The following CAP2 variants were observed in gnomAD, a reference collection of about 807,000 sequenced individuals.
CAP2 encodes the protein adenylyl cyclase-associated protein 2.
A neutral mutation model predicts 57.7 loss-of-function variants in CAP2; 24 were observed. The ratio of observed to expected loss-of-function variants is 0.42; its 90% CI spans 0.30 to 0.58. The LOEUF (loss-of-function observed/expected upper bound fraction) is 0.58, where lower values mean the gene tolerates loss of function less well. CAP2 is among the 20% of genes least tolerant of loss of function. The probability of loss-of-function intolerance (pLI) is 0.22; values close to 1 mark genes in which losing one functional copy is unlikely to be tolerated. For synonymous variants in CAP2, 194 were observed against 207.2 expected, an observed-to-expected ratio of 0.94 and a Z score of 0.55; for missense variants, 501 against 590.3, an observed-to-expected ratio of 0.85 and a Z score of 1.57.
chr6:17,487,592 C>T (rs1761449718), intron 4 of CAP2, among the ~76,000 whole-genome samples: 1 of 152,146 alleles, frequency 6.6e-6, no homozygotes, highest in South Asian at 2.1e-4. Flanking sequence ...GCCTCAGCTT[C>T]CTGAGTAGCT....
chr6:17,483,879 A>G (rs1260696752), intron 4 of CAP2, among the ~76,000 whole-genome samples: 27 of 151,890 alleles, frequency 1.8e-4, no homozygotes, highest in Admixed American at 1.8e-3. Flanking sequence ...GCACACGAGC[A>G]CCCTGAAAAA....
At chr6:17,463,692 C>A (rs1760788890) in intron 4 of CAP2, among the ~76,000 whole-genome samples, 1 of 152,166 alleles carries the variant, frequency 6.6e-6, no homozygotes, top group Non-Finnish European at 1.5e-5. Flanking sequence ...TTTTAATAAG[C>A]TCCTGCGTGA....
At chr6:17,499,763 A>T (rs1454435801) in intron 4 of CAP2, among the ~76,000 whole-genome samples, 5 of 151,832 alleles carry the variant, frequency 3.3e-5, no homozygotes, top group Non-Finnish European at 5.9e-5. Flanking sequence ...AGGCTGGAGG[A>T]TCTCTTGAGC....
intron 3 of CAP2, among the ~76,000 whole-genome samples, chr6:17,430,632 G>A (rs764840840): frequency 2.0e-5 from 3 of 150,768 alleles, no homozygotes; most frequent in Non-Finnish European, 2.9e-5. Context: ...TCCACCTCCC[G>A]GGTTCAAGCG....
intron 1 of CAP2, among the ~76,000 whole-genome samples, chr6:17,403,265 C>T (rs2113503757): frequency 6.6e-6 from 1 of 152,298 alleles, no homozygotes; most frequent in Admixed American, 6.5e-5. Flanking sequence ...CCATGCCCGG[C>T]TAATTTTTTG....
intron 7 of CAP2, among the ~76,000 whole-genome samples, chr6:17,529,666 A>ATG (rs1762595673): frequency 1.4e-5 from 2 of 146,732 alleles, no homozygotes; most frequent in Non-Finnish European, 3.0e-5. Flanking sequence ...ATATATATAT[A>ATG]TATATGTATA....
chr6:17,421,762 TA>T, intron 2 of CAP2, 86 bp downstream of exon 2: 1 of 1,479,848 alleles, frequency 6.8e-7, no homozygotes, highest in South Asian at 1.1e-5. Flanking sequence ...GGAACATTTC[TA>T]TTATCCTTCA....
chr6:17,410,423 G>A (rs746024340), intron 1 of CAP2, among the ~76,000 whole-genome samples: 1 of 152,182 alleles, frequency 6.6e-6, no homozygotes, highest in Non-Finnish European at 1.5e-5. Context: ...AAAGAGTGGT[G>A]AGAATCAATG....
chr6:17,520,824 C>G (rs966314951), intron 7 of CAP2, among the ~76,000 whole-genome samples: 1 of 152,158 alleles, frequency 6.6e-6, no homozygotes, highest in Non-Finnish European at 1.5e-5. Flanking sequence ...CAAGAGAAAA[C>G]TGTTCTTAAG....
intron 2 of CAP2, among the ~76,000 whole-genome samples, chr6:17,423,688 C>T (rs570899250): frequency 2.6e-5 from 4 of 151,940 alleles, no homozygotes; most frequent in Non-Finnish European, 4.4e-5. Flanking sequence ...GAACTTGGTA[C>T]ATTGTAAAAA....
At chr6:17,487,765 C>T (rs1761454132) in intron 4 of CAP2, among the ~76,000 whole-genome samples, 1 of 152,028 alleles carries the variant, frequency 6.6e-6, no homozygotes, top group African/African-American at 2.4e-5. Context: ...GCCACCGCAC[C>T]TGGCCCAGTT....
chr6:17,539,244 A>G, intron 7 of CAP2, 25 bp from the exon 8 acceptor site: 4 of 1,589,386 alleles, frequency 2.5e-6, no homozygotes, highest in Non-Finnish European at 3.4e-6. Context: ...AATGCAATGC[A>G]ATGCCCTGTC....
chr6:17,520,041 G>T (rs1347607599), intron 7 of CAP2, among the ~76,000 whole-genome samples: 1 of 152,148 alleles, frequency 6.6e-6, no homozygotes, highest in African/African-American at 2.4e-5. Context: ...ACTGCACATG[G>T]ATGAATGTAT....
intron 4 of CAP2, among the ~76,000 whole-genome samples, chr6:17,493,099 T>C (rs1761583310): frequency 6.6e-6 from 1 of 152,218 alleles, no homozygotes; most frequent in African/African-American, 2.4e-5. Context: ...TATTACCTTC[T>C]TTAGAGAGGT....
At chr6:17,529,640 C>CAAAAAAAAAAAAA (rs1554129487) in intron 7 of CAP2, among the ~76,000 whole-genome samples, 16 of 117,280 alleles carry the variant, frequency 1.4e-4, no homozygotes, top group African/African-American at 6.2e-4. Context: ...GACTCCGTCT[C>CAAAAAAAAAAAAA]AAAAAAAAAA....
chr6:17,443,416 GT>G (rs1287178091), intron 3 of CAP2, among the ~76,000 whole-genome samples: 2 of 152,080 alleles, frequency 1.3e-5, no homozygotes, highest in African/African-American at 2.4e-5. Flanking sequence ...TTGGAAATTT[GT>G]TGTTGTTTTC....
chr6:17,457,742 G>A (rs1179391366), intron 3 of CAP2, among the ~76,000 whole-genome samples: 2 of 152,152 alleles, frequency 1.3e-5, no homozygotes, highest in African/African-American at 4.8e-5. Flanking sequence ...AATGAAATTG[G>A]CCATCTTTGC....
chr6:17,410,203 T>G (rs891364869), intron 1 of CAP2, among the ~76,000 whole-genome samples: 1 of 152,244 alleles, frequency 6.6e-6, no homozygotes, highest in Non-Finnish European at 1.5e-5. Context: ...TTTCTTGAGC[T>G]GCCTGTCCCA....
chr6:17,398,979 A>G (rs1055912408), intron 1 of CAP2, among the ~76,000 whole-genome samples: 3 of 152,036 alleles, frequency 2.0e-5, no homozygotes, highest in Non-Finnish European at 4.4e-5. Context: ...CTCTTCCACA[A>G]TCCATGGCAA....
Sources: gnomAD v4.1 joint callset for allele counts (sites outside exome capture counted in the v4.1 genomes callset) on GRCh38, gnomAD v4.1.1 for gene constraint, MANE v1.5 for transcripts, NCBI Gene and HGNC (gene_info 2026-07-23, HGNC 2026-07-21) for gene names.